Variants in ARNT2 observed in about 807,000 individuals in gnomAD.
ARNT2 encodes aryl hydrocarbon receptor nuclear translocator 2, also known as ARNT protein 2.
A neutral mutation model predicts 91.7 loss-of-function variants in ARNT2; 36 were observed. That is an observed-to-expected ratio of 0.39 (90% CI 0.30 to 0.52). The LOEUF (loss-of-function observed/expected upper bound fraction) is 0.52. Among genes scored for constraint, ARNT2 ranks in the 20% least tolerant of loss-of-function variants. The pLI is 0.72. For missense variants in ARNT2, 775 were observed against 939.3 expected (o/e 0.83, Z 2.29); for synonymous variants, 365 against 347.1 (o/e 1.05, Z -0.57).
chr15:80,412,465 G>A lies in ARNT2; in HGVS notation c.31+7919G>A, dbSNP rs141226880. 3.3e-3 allele frequency among the ~76,000 whole-genome samples: 507 copies of A among 151,356 alleles called. 2 individuals carry two copies. Among genetic ancestry groups the A allele is most frequent in the African/African-American group, 0.011 (435 of 41,220 alleles). ...TGCCACCCATAACTAACATTTTTGC[G>A]TATATCCTTACAGACTTTTTTCTAA... On this transcript the variant is annotated intron_variant, in intron 1 of 18. Transcript: ENST00000303329.
chr15:80,466,487 G>A (rs976784891), intron 3 of ARNT2, among the ~76,000 whole-genome samples: 10 of 152,092 alleles, frequency 6.6e-5, no homozygotes, highest in African/African-American at 2.4e-4. Flanking sequence ...ACTCAGCCCC[G>A]AGCAAGCATG....
rs772091878 is a variant in ARNT2 at position 80,574,108 on chromosome 15, T to G, written c.1317-40T>G. ...CTGGCTTAGCCCTATTGTCACCCCT[T>G]CTGTTCTTCATGACCCTCTGTTGTC... On this transcript the variant is annotated intron_variant, in intron 12 of 18. Transcript: ENST00000303329. 7 of 1,590,838 alleles carry G rather than the reference T, an allele frequency of 4.4e-6. No homozygotes were observed. In the South Asian group the frequency reaches 7.7e-5, roughly 18 times the overall value.
chr15:80,487,707 C>T (rs1433646158), intron 5 of ARNT2: 1 of 152,254 alleles, frequency 6.6e-6, no homozygotes. Flanking sequence ...CACCAGTCTC[C>T]TTCGTCTTCT....
At chr15:80,584,126 G>T (rs1040000679) in intron 17 of ARNT2, among the ~76,000 whole-genome samples, 1 of 152,208 alleles carries the variant, frequency 6.6e-6, no homozygotes, top group Non-Finnish European at 1.5e-5. Flanking sequence ...AGGAGAGCAG[G>T]AAGGGAGGCA....
At chr15:80,472,273 G>A (rs908750385) in intron 4 of ARNT2, among the ~76,000 whole-genome samples, 1 of 152,086 alleles carries the variant, frequency 6.6e-6, no homozygotes, top group Non-Finnish European at 1.5e-5. Context: ...ATTATCAAGA[G>A]GGACTTCTCA....
rs112281658 is a variant in ARNT2 at position 80,487,240 on chromosome 15, C to A, written c.622+12017C>A. ...TCCTGACCTGATTCATCCTCTCATG[C>A]CTGAGTCCTGCCCACCTCCCCGTGC... On this transcript the variant is annotated intron_variant, in intron 5 of 18. Coordinates refer to ENST00000303329, the MANE Select transcript of ARNT2 (RefSeq NM_014862.4). Among the ~76,000 whole-genome samples the A allele has an allele frequency of 8.1e-3, 1,240 of 152,330 alleles. 15 individuals are homozygous for A. The highest frequency in any genetic ancestry group is 0.026 in the South Asian group (124 of 4,826).
At chr15:80,429,797 G>A (rs1895983824) in intron 1 of ARNT2, among the ~76,000 whole-genome samples, 2 of 152,070 alleles carry the variant, frequency 1.3e-5, no homozygotes, top group Admixed American at 1.3e-4. Flanking sequence ...CTGGAGAGGT[G>A]GAGAATTGGT....
At chr15:80,466,493 G>T (rs922812666) in intron 3 of ARNT2, among the ~76,000 whole-genome samples, 1 of 152,208 alleles carries the variant, frequency 6.6e-6, no homozygotes, top group Admixed American at 6.5e-5. Flanking sequence ...CCCCGAGCAA[G>T]CATGTGGTAC....
intron 8 of ARNT2, among the ~76,000 whole-genome samples, chr15:80,523,773 CAA>C (rs1383879195): frequency 6.6e-6 from 1 of 152,102 alleles, no homozygotes; most frequent in African/African-American, 2.4e-5. Context: ...AGAGAGTCTG[CAA>C]AGAGGATTCA....
chr15:80,487,744 C>T (rs1896999296), intron 5 of ARNT2: 1 of 152,250 alleles, frequency 6.6e-6, no homozygotes, highest in Admixed American at 6.5e-5. Context: ...GTATGCAGAC[C>T]TCCCATGCTT....
At chr15:80,468,964 CA>C (rs1314053954) in intron 3 of ARNT2, among the ~76,000 whole-genome samples, 2 of 152,198 alleles carry the variant, frequency 1.3e-5, no homozygotes, top group Non-Finnish European at 2.9e-5. Context: ...GTCTGTTCCC[CA>C]ATCTGGGAGG....
intron 12 of ARNT2, among the ~76,000 whole-genome samples, chr15:80,566,507 C>T (rs778908483): frequency 6.6e-6 from 1 of 152,170 alleles, no homozygotes; most frequent in African/African-American, 2.4e-5. Context: ...CTTGGGCTTT[C>T]ACATAGGCAC....
intron 1 of ARNT2, 139 bp from the exon 2 acceptor site, chr15:80,450,741 A>C: frequency 8.7e-6 from 7 of 805,842 alleles, no homozygotes; most frequent in Non-Finnish European, 1.5e-5. Flanking sequence ...CACATAGCTG[A>C]TGATGGCAGA....
intron 2 of ARNT2, among the ~76,000 whole-genome samples, chr15:80,457,185 A>G (rs1896492870): frequency 6.6e-6 from 1 of 152,202 alleles, no homozygotes; most frequent in African/African-American, 2.4e-5. Flanking sequence ...AGTTCAACAA[A>G]TATCTATCAA....
intron 1 of ARNT2, among the ~76,000 whole-genome samples, chr15:80,433,520 A>C (rs986834490): frequency 6.6e-6 from 1 of 152,000 alleles, no homozygotes; most frequent in Admixed American, 6.6e-5. Context: ...TGCTGGCCTC[A>C]AGTGATCCAC....
At chr15:80,529,802 CT>C (rs1897706001) in intron 8 of ARNT2, among the ~76,000 whole-genome samples, 1 of 152,118 alleles carries the variant, frequency 6.6e-6, no homozygotes, top group Non-Finnish European at 1.5e-5. Flanking sequence ...TATTAATTTC[CT>C]TATCCTTTGC....
At chr15:80,503,287 G>C (rs1215646169) in intron 5 of ARNT2, among the ~76,000 whole-genome samples, 1 of 152,170 alleles carries the variant, frequency 6.6e-6, no homozygotes, top group East Asian at 1.9e-4. Flanking sequence ...ACTTGATTTT[G>C]TACATCTCAA....
intron 8 of ARNT2, among the ~76,000 whole-genome samples, chr15:80,525,762 C>T (rs1897630347): frequency 6.6e-6 from 1 of 152,190 alleles, no homozygotes; most frequent in Admixed American, 6.5e-5. Flanking sequence ...TACCCTATTA[C>T]AAGGTCATAG....
At chr15:80,430,803 C>G (rs1020838598) in intron 1 of ARNT2, among the ~76,000 whole-genome samples, 2 of 151,996 alleles carry the variant, frequency 1.3e-5, no homozygotes, top group Non-Finnish European at 2.9e-5. Flanking sequence ...TACACAGAAC[C>G]CTGACAGCAG....
Sources: allele counts gnomAD v4.1 joint callset (sites outside exome capture counted in the v4.1 genomes callset), GRCh38; gene constraint gnomAD v4.1.1; transcripts MANE v1.5; gene names NCBI Gene and HGNC (gene_info 2026-07-23, HGNC 2026-07-21).